ANKS1B: variants seen among roughly 807,000 people sequenced by gnomAD.
The protein encoded by ANKS1B is ankyrin repeat and sterile alpha motif domain-containing protein 1B.
Under a neutral mutation model 148.3 loss-of-function variants are expected in ANKS1B, and 36 were observed. That is an observed-to-expected ratio of 0.24 (90% CI 0.19 to 0.32). ANKS1B has a LOEUF of 0.32. Among genes scored for constraint, ANKS1B ranks in the 10% least tolerant of loss-of-function variants. The pLI is 1.00. For synonymous variants in ANKS1B, 542 were observed against 560.8 expected, an observed-to-expected ratio of 0.97 and a Z score of 0.47; for missense variants, 1,157 against 1,542.6, an observed-to-expected ratio of 0.75 and a Z score of 4.19.
At chr12:99,509,538 G>GC (rs1439205123) in intron 9 of ANKS1B, among the ~76,000 whole-genome samples, 1 of 151,918 alleles carries the variant, frequency 6.6e-6, no homozygotes, top group Non-Finnish European at 1.5e-5. Flanking sequence ...CTAATCCAGA[G>GC]CAAGACTCTA....
chr12:99,128,355 T>C (rs1465301910), intron 15 of ANKS1B, among the ~76,000 whole-genome samples: 2 of 152,188 alleles, frequency 1.3e-5, no homozygotes, highest in African/African-American at 2.4e-5. Flanking sequence ...AAAGACAGTA[T>C]TGCTAGTGTC....
At chr12:99,336,687 A>T (rs1208021748) in intron 12 of ANKS1B, among the ~76,000 whole-genome samples, 2 of 151,896 alleles carry the variant, frequency 1.3e-5, no homozygotes, top group African/African-American at 4.8e-5. Flanking sequence ...AGATGTACGG[A>T]TTTATTTCTG....
At chr12:99,458,127 T>C (rs1199590676) in intron 10 of ANKS1B, among the ~76,000 whole-genome samples, 1 of 151,988 alleles carries the variant, frequency 6.6e-6, no homozygotes, top group East Asian at 1.9e-4. Context: ...AAAGAAACCC[T>C]GAAAACCATG....
intron 14 of ANKS1B, among the ~76,000 whole-genome samples, chr12:99,233,253 A>G (rs2087200627): frequency 6.6e-6 from 1 of 152,116 alleles, no homozygotes; most frequent in South Asian, 2.1e-4. Context: ...GATAAGGGAT[A>G]CCTAAACTGT....
At chr12:99,107,608 G>A (rs937824979) in intron 15 of ANKS1B, among the ~76,000 whole-genome samples, 1 of 152,152 alleles carries the variant, frequency 6.6e-6, no homozygotes, top group East Asian at 1.9e-4. Flanking sequence ...AGGATTCAGT[G>A]GAAACTAGTA....
At chr12:99,560,010 G>A (rs1015659605) in intron 9 of ANKS1B, among the ~76,000 whole-genome samples, 7 of 152,160 alleles carry the variant, frequency 4.6e-5, no homozygotes, top group African/African-American at 1.7e-4. Flanking sequence ...TTCAGAAAAT[G>A]AAGAATTTTA....
At chr12:99,080,601 T>C (rs2049365360) in intron 16 of ANKS1B, among the ~76,000 whole-genome samples, 1 of 152,232 alleles carries the variant, frequency 6.6e-6, no homozygotes, top group Non-Finnish European at 1.5e-5. Context: ...CACAAAGTCC[T>C]GCAAACCTTT....
chr12:98,909,026 T>C (rs1338463029), intron 17 of ANKS1B, among the ~76,000 whole-genome samples: 1 of 152,122 alleles, frequency 6.6e-6, no homozygotes, highest in East Asian at 1.9e-4. Context: ...GAAATTCACA[T>C]CCACGTTGGC....
chr12:99,731,413 C>CCTGTGTGTGTGTGTGTGT (rs1237223581), intron 8 of ANKS1B, among the ~76,000 whole-genome samples: 16 of 143,728 alleles, frequency 1.1e-4, no homozygotes, highest in African/African-American at 3.1e-4. Context: ...ACCACCGTGC[C>CCTGTGTGTGTGTGTGTGT]GTGTGTGTGT....
At chr12:98,903,841 G>C (rs1468786739) in intron 17 of ANKS1B, among the ~76,000 whole-genome samples, 1 of 152,056 alleles carries the variant, frequency 6.6e-6, no homozygotes, top group Non-Finnish European at 1.5e-5. Flanking sequence ...ATCAAGGCTT[G>C]GACTCCTCCA....
intron 10 of ANKS1B, among the ~76,000 whole-genome samples, chr12:99,476,757 C>T (rs1457850891): frequency 1.3e-5 from 2 of 152,134 alleles, no homozygotes; most frequent in East Asian, 1.9e-4. Flanking sequence ...AACTTAAAAC[C>T]GCAAATGTTT....
intron 12 of ANKS1B, among the ~76,000 whole-genome samples, chr12:99,335,910 C>T (rs1390426773): frequency 2.6e-5 from 4 of 152,056 alleles, no homozygotes; most frequent in African/African-American, 9.7e-5. Flanking sequence ...TATGATAGTT[C>T]TAGTTTTAAT....
chr12:99,484,295 T>A (rs560163064), intron 10 of ANKS1B, among the ~76,000 whole-genome samples: 180 of 152,152 alleles, frequency 1.2e-3, no homozygotes, highest in African/African-American at 4.1e-3. Context: ...TCCATGCGTT[T>A]TTATAGTTTT....
At chr12:98,816,679 G>T (rs1229789788) in intron 19 of ANKS1B, among the ~76,000 whole-genome samples, 2 of 152,184 alleles carry the variant, frequency 1.3e-5, no homozygotes, top group African/African-American at 4.8e-5. Context: ...AGTAGTTACT[G>T]GTCATCTACT....
At chr12:99,271,050 G>C (rs2076983064) in intron 12 of ANKS1B, among the ~76,000 whole-genome samples, 1 of 152,184 alleles carries the variant, frequency 6.6e-6, no homozygotes, top group Non-Finnish European at 1.5e-5. Context: ...AAAGCCCAAT[G>C]CCTTCTCTTC....
At chr12:99,663,831 T>C (rs1002667427) in intron 8 of ANKS1B, among the ~76,000 whole-genome samples, 4 of 152,164 alleles carry the variant, frequency 2.6e-5, no homozygotes, top group Admixed American at 1.3e-4. Context: ...TAATAGTACA[T>C]GAGACATTAC....
chr12:99,180,885 C>A (rs1017087689), intron 14 of ANKS1B, among the ~76,000 whole-genome samples: 16 of 152,030 alleles, frequency 1.1e-4, no homozygotes, highest in Non-Finnish European at 2.1e-4. Context: ...CCAAAGCAAG[C>A]CATAAAACCT....
At chr12:99,824,106 A>G (rs1396702580) in intron 2 of ANKS1B, among the ~76,000 whole-genome samples, 1 of 152,192 alleles carries the variant, frequency 6.6e-6, no homozygotes, top group Non-Finnish European at 1.5e-5. Flanking sequence ...GAATTTTAGA[A>G]TAGTTTTTTC....
At chr12:99,645,637 C>G (rs1257843976) in intron 9 of ANKS1B, among the ~76,000 whole-genome samples, 1 of 152,216 alleles carries the variant, frequency 6.6e-6, no homozygotes, top group East Asian at 1.9e-4. Context: ...GATTTAACAG[C>G]AACCACACAG....
Sources: allele counts gnomAD v4.1 joint callset (sites outside exome capture counted in the v4.1 genomes callset), GRCh38; gene constraint gnomAD v4.1.1; transcripts MANE v1.5; gene names NCBI Gene and HGNC (gene_info 2026-07-23, HGNC 2026-07-21).